The following PPARGC1A variants were observed in gnomAD, a reference collection of about 807,000 sequenced individuals.
PPARGC1A encodes peroxisome proliferator-activated receptor gamma coactivator 1-alpha.
PPARGC1A carries 25 observed loss-of-function variants against 88.7 expected under a neutral mutation model. That is an observed-to-expected ratio of 0.28 (90% CI 0.21 to 0.39). The LOEUF is 0.39. Among genes scored for constraint, PPARGC1A ranks in the 10% least tolerant of loss-of-function variants. The probability of loss-of-function intolerance (pLI) is 1.00; values close to 1 mark genes in which losing one functional copy is unlikely to be tolerated. For missense variants in PPARGC1A, 880 were observed against 968.7 expected (o/e 0.91, Z 1.22); for synonymous variants, 363 against 355.6 (o/e 1.02, Z -0.24).
chr4:23,943,206 C>A, the PPARGC1A span, among the ~76,000 whole-genome samples: 1 of 152,032 alleles, frequency 6.6e-6, no homozygotes, highest in East Asian at 1.9e-4. Flanking sequence ...GACTTTGACT[C>A]TGTGTTCTTC....
intron 5 of PPARGC1A, among the ~76,000 whole-genome samples, chr4:23,827,352 C>T (rs1373134095): frequency 2.0e-5 from 3 of 151,534 alleles, no homozygotes; most frequent in African/African-American, 4.9e-5. Flanking sequence ...CATACCTACA[C>T]GAATTAATCA....
chr4:24,339,237 T>TACACACACACACACACAC, the PPARGC1A span, among the ~76,000 whole-genome samples: 17 of 104,310 alleles, frequency 1.6e-4, no homozygotes, highest in African/African-American at 6.0e-4. Flanking sequence ...TATATATATA[T>TACACACACACACACACAC]ACACACACAC....
the PPARGC1A span, among the ~76,000 whole-genome samples, chr4:24,066,859 T>TG: frequency 8.2e-5 from 7 of 85,436 alleles, no homozygotes; most frequent in South Asian, 2.3e-3. Flanking sequence ...GTTTTTTTTT[T>TG]TTTTTTTTTT....
chr4:23,995,524 T>C, the PPARGC1A span, among the ~76,000 whole-genome samples: 1 of 152,194 alleles, frequency 6.6e-6, no homozygotes, highest in Non-Finnish European at 1.5e-5. Flanking sequence ...TACAGGTCTT[T>C]GTGATTTTCT....
chr4:23,928,998 A>G, the PPARGC1A span, among the ~76,000 whole-genome samples: 5 of 152,030 alleles, frequency 3.3e-5, no homozygotes, highest in South Asian at 2.1e-4. Flanking sequence ...GGGGAGGGAG[A>G]GCATTAGGAA....
At chr4:24,466,675 C>T in the PPARGC1A span, among the ~76,000 whole-genome samples, 40 of 151,910 alleles carry the variant, frequency 2.6e-4, no homozygotes, top group East Asian at 3.3e-3. Context: ...CAAAGAAAAG[C>T]GAAAAACAGC....
chr4:23,921,486 A>G, the PPARGC1A span, among the ~76,000 whole-genome samples: 1 of 152,198 alleles, frequency 6.6e-6, no homozygotes, highest in African/African-American at 2.4e-5. Context: ...TTAAAAATGC[A>G]CTACACAGCA....
intron 2 of PPARGC1A, among the ~76,000 whole-genome samples, chr4:23,843,408 G>T (rs1220946746): frequency 6.6e-6 from 1 of 151,978 alleles, no homozygotes; most frequent in Non-Finnish European, 1.5e-5. Flanking sequence ...ACCTTAATAA[G>T]ACCTACAGTA....
chr4:24,105,777 T>C, the PPARGC1A span, among the ~76,000 whole-genome samples: 3 of 152,050 alleles, frequency 2.0e-5, no homozygotes, highest in African/African-American at 7.2e-5. Context: ...GACTAGATGA[T>C]TTGAGGAGCA....
At chr4:23,862,802 G>A (rs1192003865) in intron 2 of PPARGC1A, among the ~76,000 whole-genome samples, 1 of 152,026 alleles carries the variant, frequency 6.6e-6, no homozygotes, top group Non-Finnish European at 1.5e-5. Flanking sequence ...GGGGCAAAAG[G>A]GGATCCCTTA....
chr4:23,888,481 C>G (rs1717281064), intron 1 of PPARGC1A, among the ~76,000 whole-genome samples: 2 of 152,222 alleles, frequency 1.3e-5, no homozygotes, highest in Non-Finnish European at 2.9e-5. Context: ...AGACAACCAC[C>G]CACAGGACAC....
the PPARGC1A span, among the ~76,000 whole-genome samples, chr4:24,103,635 GGA>G: frequency 6.8e-6 from 1 of 147,562 alleles, no homozygotes; most frequent in African/African-American, 2.5e-5. Flanking sequence ...AAAATGAACC[GGA>G]ATTATAGCTG....
chr4:24,300,315 TACAATAGCA>T, the PPARGC1A span, among the ~76,000 whole-genome samples: 2 of 136,220 alleles, frequency 1.5e-5, no homozygotes, highest in African/African-American at 5.4e-5. Context: ...TATTTTTCTA[TACAATAGCA>T]TTTTTTTTTT....
the PPARGC1A span, among the ~76,000 whole-genome samples, chr4:23,960,638 CATT>C: frequency 1.3e-5 from 2 of 152,090 alleles, no homozygotes; most frequent in Non-Finnish European, 2.9e-5. Context: ...GCGAAATTAT[CATT>C]ATTTCCGGCA....
At chr4:24,206,894 T>C in the PPARGC1A span, among the ~76,000 whole-genome samples, 1 of 143,546 alleles carries the variant, frequency 7.0e-6, no homozygotes, top group Non-Finnish European at 1.5e-5. Flanking sequence ...TGGGTTGCAA[T>C]GTTACATGTT....
the PPARGC1A span, among the ~76,000 whole-genome samples, chr4:23,939,298 ATGTTTGTT>A: frequency 6.6e-6 from 1 of 152,122 alleles, no homozygotes; most frequent in East Asian, 1.9e-4. Flanking sequence ...GTTTTAAAAT[ATGTTTGTT>A]TGTTTTGAAA....
the PPARGC1A span, among the ~76,000 whole-genome samples, chr4:24,151,311 G>C: frequency 6.6e-6 from 1 of 152,158 alleles, no homozygotes; most frequent in Non-Finnish European, 1.5e-5. Context: ...TTTGGTTCCT[G>C]GTGAGGGCTC....
the PPARGC1A span, among the ~76,000 whole-genome samples, chr4:24,202,060 C>A: frequency 6.6e-6 from 1 of 152,186 alleles, no homozygotes; most frequent in East Asian, 1.9e-4. Context: ...CACCACCACA[C>A]CCAGCTAATT....
chr4:23,823,519 G>A (rs1239053623), intron 7 of PPARGC1A, among the ~76,000 whole-genome samples: 6 of 152,016 alleles, frequency 3.9e-5, no homozygotes, highest in Admixed American at 2.0e-4. Flanking sequence ...GTCCTCACTG[G>A]TCAGATAAGA....
Sources: allele counts gnomAD v4.1 joint callset (sites outside exome capture counted in the v4.1 genomes callset), GRCh38; gene constraint gnomAD v4.1.1; transcripts MANE v1.5; gene names NCBI Gene and HGNC (gene_info 2026-07-23, HGNC 2026-07-21).